SLC18A1: variants seen among roughly 807,000 people sequenced by gnomAD.
SLC18A1 encodes solute carrier family 18 member A1.
In SLC18A1, 69 loss-of-function variants were observed where a neutral mutation model predicts 53.7. The ratio of observed to expected loss-of-function variants is 1.28; its 90% CI spans 1.06 to 1.57. The LOEUF (loss-of-function observed/expected upper bound fraction) is 1.57. Ranked by LOEUF, SLC18A1 falls within the 40% of genes most tolerant of loss-of-function variation. The probability of loss-of-function intolerance (pLI) is 0.00; values close to 1 mark genes in which losing one functional copy is unlikely to be tolerated. For missense variants in SLC18A1, 932 were observed against 668.1 expected (o/e 1.40, Z -4.35); for synonymous variants, 320 against 248.1 (o/e 1.29, Z -2.72).
chr8:20,149,551 A>C (rs2071491291), intron 12 of SLC18A1, 125 bp downstream of exon 12: 3 of 728,514 alleles, frequency 4.1e-6, no homozygotes, highest in Non-Finnish European at 4.6e-6. Flanking sequence ...AAAGGAAATT[A>C]GTCTTTAAAT....
At chr8:20,146,503 C>T (rs1344296973) in intron 15 of SLC18A1, among the ~76,000 whole-genome samples, 2 of 152,148 alleles carry the variant, frequency 1.3e-5, no homozygotes, top group East Asian at 1.9e-4. Context: ...CAGCCTCTGT[C>T]GGTATCCCAA....
intron 10 of SLC18A1, among the ~76,000 whole-genome samples, chr8:20,162,844 C>A (rs370163117): frequency 1.3e-5 from 2 of 152,176 alleles, no homozygotes; most frequent in Admixed American, 6.5e-5. Flanking sequence ...ACCCTTAATG[C>A]CTTAACCACA....
At position 20,181,053 on chromosome 8, in the gene SLC18A1, G is replaced by A; in HGVS notation, c.-89C>T. Reference sequence around the variant, plus strand: ...CAGGTCTCCTGCAGCCTTTATGGAAGAGGGGAGGGAGTCTGCCCAGACGAA... The same window carrying A: ...CAGGTCTCCTGCAGCCTTTATGGAAAAGGGGAGGGAGTCTGCCCAGACGAA... On this transcript the variant is annotated 5_prime_UTR_variant, in exon 2 of 16. Transcript: ENST00000276373. 6.9e-7 allele frequency: 1 copy of A among 1,455,634 alleles called. No individual in the cohort carries two copies. The highest frequency in any genetic ancestry group is 9.2e-7 in the Non-Finnish European group (1 of 1,089,426). 90.2% of individuals were successfully genotyped at this position (1,455,634 alleles called of 1,614,324 possible).
chr8:20,160,197 G>T (rs961892963), intron 10 of SLC18A1, among the ~76,000 whole-genome samples: 1 of 149,882 alleles, frequency 6.7e-6, no homozygotes, highest in African/African-American at 2.5e-5. Context: ...GTTGCAAACT[G>T]TACCCATTCG....
intron 10 of SLC18A1, among the ~76,000 whole-genome samples, chr8:20,157,622 A>C (rs2071715951): frequency 6.6e-6 from 1 of 152,196 alleles, no homozygotes; most frequent in Non-Finnish European, 1.5e-5. Context: ...CCTCTCTGTC[A>C]CCTGACTCTA....
At chr8:20,177,877 G>C (rs911357056) in intron 4 of SLC18A1, among the ~76,000 whole-genome samples, 1 of 152,014 alleles carries the variant, frequency 6.6e-6, no homozygotes, top group African/African-American at 2.4e-5. Context: ...GAAACATTTA[G>C]CTGATCCTGG....
At chr8:20,167,509 G>C (rs886847338) in intron 8 of SLC18A1, among the ~76,000 whole-genome samples, 1 of 152,048 alleles carries the variant, frequency 6.6e-6, no homozygotes, top group Admixed American at 6.6e-5. Flanking sequence ...GGAAGTGGAG[G>C]TCTCAGTACA....
chr8:20,170,121 T>A (rs901816666), intron 8 of SLC18A1, among the ~76,000 whole-genome samples: 3 of 152,148 alleles, frequency 2.0e-5, no homozygotes, highest in Non-Finnish European at 4.4e-5. Flanking sequence ...GTGGTGGTTA[T>A]GACTTCCCTC....
chr8:20,171,498 G>T lies in SLC18A1; in HGVS notation c.725-4C>A, dbSNP rs1037882786. On this transcript the variant is annotated splice_polypyrimidine_tract_variant and splice_region_variant and intron_variant, in intron 6 of 15. Coordinates refer to ENST00000276373, the MANE Select transcript of SLC18A1 (RefSeq NM_003053.4). Reference sequence around the variant, plus strand: ...ACACTTCCAAAGGGAGCTCCCACTGGAGAGGCATAGGAGACACAGATTCCA... The same window carrying T: ...ACACTTCCAAAGGGAGCTCCCACTGTAGAGGCATAGGAGACACAGATTCCA... The T allele has an allele frequency of 1.2e-6, 2 of 1,611,186 alleles. No individual in the cohort carries two copies. Among genetic ancestry groups the T allele is most frequent in the Non-Finnish European group, 1.7e-6 (2 of 1,177,396 alleles).
At position 20,147,376 on chromosome 8, in the gene SLC18A1, C is replaced by A. The variant is rs2071428186; in HGVS notation, c.1346G>T (p.Gly449Val). Reference protein sequence around the residue: ...MGFAIGPSTGGAIVKAIGFPW... With the variant: ...MGFAIGPSTGVAIVKAIGFPW... The stretch of plus-strand genomic sequence containing the variant: ...AAAACCGATGGCCTTTACAATGGCA[C>A]CACCGGTGGATGGACCTGGGAGGGA... Residue 449 changes from glycine (G) to valine (V), a missense_variant, in exon 15 of 16, where the codon GGT becomes GTT. Coordinates refer to ENST00000276373, the MANE Select transcript of SLC18A1 (RefSeq NM_003053.4). 1.2e-6 allele frequency: 2 copies of A among 1,610,324 alleles called. No individual in the cohort carries two copies. Among genetic ancestry groups the A allele is most frequent in the African/African-American group, 1.3e-5 (1 of 74,732 alleles).
chr8:20,168,222 C>G (rs2072019869), intron 8 of SLC18A1, among the ~76,000 whole-genome samples: 1 of 151,852 alleles, frequency 6.6e-6, no homozygotes, highest in South Asian at 2.1e-4. Flanking sequence ...AAAAGTTAAG[C>G]TGGGTGTGGT....
At chr8:20,182,017 G>C (rs1418297224) in intron 1 of SLC18A1, 4 of 152,180 alleles carry the variant, frequency 2.6e-5, no homozygotes, top group African/African-American at 9.7e-5. Context: ...TCATTAGTCA[G>C]CATTAAGTCA....
intron 5 of SLC18A1, 22 bp from the exon 6 acceptor site, chr8:20,173,150 C>T (rs1050498154): frequency 3.2e-6 from 5 of 1,545,664 alleles, no homozygotes; most frequent in Non-Finnish European, 4.4e-6. Flanking sequence ...GTTACAGATG[C>T]AGCTGGCCCC....
At chr8:20,182,147 C>T (rs1205315759) in intron 1 of SLC18A1, among the ~76,000 whole-genome samples, 1 of 152,074 alleles carries the variant, frequency 6.6e-6, no homozygotes, top group Non-Finnish European at 1.5e-5. Context: ...AGATTACCAT[C>T]ATGAAATCTA....
chr8:20,171,058 GC>G, intron 8 of SLC18A1, 44 bp downstream of exon 8: 1 of 1,595,806 alleles, frequency 6.3e-7, no homozygotes, highest in Non-Finnish European at 8.6e-7. Context: ...CCTGCATTCA[GC>G]CATCCTGTAT....
Position 20,145,199 on chromosome 8 carries a change from T to A in SLC18A1, c.*564A>T. The A allele has an allele frequency of 7.0e-6, 1 of 142,550 alleles. No homozygotes were observed. The highest frequency in any genetic ancestry group is 1.5e-5 in the Non-Finnish European group (1 of 66,332). The allele number at this position is 142,550 out of a possible 1,614,324, so 8.8% of individuals were successfully genotyped here. On this transcript the variant is annotated 3_prime_UTR_variant, in exon 16 of 16. Coordinates refer to ENST00000276373, the MANE Select transcript of SLC18A1 (RefSeq NM_003053.4). Reference sequence around the variant, plus strand: ...AGCTCTAGATTTAGCCACAGAAAAATCACTCACTTTATTAAAAAAAAAAAT... The same window carrying A: ...AGCTCTAGATTTAGCCACAGAAAAAACACTCACTTTATTAAAAAAAAAAAT...
At chr8:20,161,563 G>A (rs1372512375) in intron 10 of SLC18A1, among the ~76,000 whole-genome samples, 1 of 152,126 alleles carries the variant, frequency 6.6e-6, no homozygotes, top group East Asian at 1.9e-4. Flanking sequence ...TGGTATCCGT[G>A]AGGAGTCCTA....
chr8:20,147,287 G>T lies in SLC18A1; in HGVS notation c.1435C>A (p.Arg479=), dbSNP rs147512321. The part of the protein sequence containing the change: ...IVYAPLCYYL[R]SPPAKEEKLA... ...TTCTCTTCCTTTGCCGGGGGGCTCC[G>T]CAGGTAGTAGCAGAGTGGAGCATAG... The change falls in exon 15 of 16, where the codon CGG becomes AGG. Residue 479 remains arginine (R), a synonymous_variant. Transcript: ENST00000276373. 9 of 1,609,068 alleles carry T rather than the reference G, an allele frequency of 5.6e-6. No homozygotes were observed. Among genetic ancestry groups the T allele is most frequent in the Non-Finnish European group, 7.6e-6 (9 of 1,178,668 alleles).
intron 10 of SLC18A1, among the ~76,000 whole-genome samples, chr8:20,153,447 G>A (rs201553679): frequency 1.3e-5 from 2 of 152,136 alleles, no homozygotes; most frequent in African/African-American, 2.4e-5. Context: ...GGAGGCAGAG[G>A]CGGGTGGATC....
Sources: allele counts gnomAD v4.1 joint callset (sites outside exome capture counted in the v4.1 genomes callset), GRCh38; gene constraint gnomAD v4.1.1; transcripts MANE v1.5; gene names NCBI Gene and HGNC (gene_info 2026-07-23, HGNC 2026-07-21).